The following AOPEP variants were observed in gnomAD, a reference collection of about 807,000 sequenced individuals.
AOPEP encodes aminopeptidase O (putative).
Under a neutral mutation model 98.1 loss-of-function variants are expected in AOPEP, and 77 were observed. The ratio of observed to expected loss-of-function variants is 0.78; its 90% CI spans 0.65 to 0.95. The LOEUF (loss-of-function observed/expected upper bound fraction) is 0.95. AOPEP is among the 40% of genes least tolerant of loss of function. The probability of loss-of-function intolerance (pLI) is 0.00; values close to 1 mark genes in which losing one functional copy is unlikely to be tolerated. For missense variants in AOPEP, 1,024 were observed against 1,024.7 expected, an observed-to-expected ratio of 1.00 and a Z score of 0.01; for synonymous variants, 346 against 365.3, an observed-to-expected ratio of 0.95 and a Z score of 0.60.
chr9:95,018,288 C>T lies in AOPEP; in HGVS notation c.2115+12672C>T, dbSNP rs538554163. Among the ~76,000 whole-genome samples the T allele has an allele frequency of 2.2e-3, 336 of 152,318 alleles. 1 individual carries two copies. The highest frequency in any genetic ancestry group is 4.0e-3 in the Non-Finnish European group (271 of 68,022). On this transcript the variant is annotated intron_variant, in intron 13 of 16. Transcript: ENST00000375315. ...GTTTTTAGTTTCTCTGCCTCCTTGT[C>T]AGCTCCTGGTATTGTCAGACTTCTT... is the stretch of plus-strand genomic sequence containing the variant.
At chr9:94,896,166 G>A (rs543141575) in intron 5 of AOPEP, among the ~76,000 whole-genome samples, 1 of 152,220 alleles carries the variant, frequency 6.6e-6, no homozygotes, top group Admixed American at 6.5e-5. Flanking sequence ...AATACAACTC[G>A]ATAAGATGGA....
At chr9:95,009,653 G>T (rs1178592922) in intron 13 of AOPEP, among the ~76,000 whole-genome samples, 1 of 152,182 alleles carries the variant, frequency 6.6e-6, no homozygotes, top group Non-Finnish European at 1.5e-5. Context: ...GAGATTGTCA[G>T]CTGTCTGTTA....
At chr9:95,056,315 A>C (rs1028283343) in intron 13 of AOPEP, 2 of 152,316 alleles carry the variant, frequency 1.3e-5, no homozygotes, top group African/African-American at 4.8e-5. Flanking sequence ...CCACGCCGGG[A>C]GGTGCCCTCC....
intron 5 of AOPEP, among the ~76,000 whole-genome samples, chr9:94,842,731 C>G (rs935967042): frequency 6.6e-6 from 1 of 152,070 alleles, no homozygotes; most frequent in African/African-American, 2.4e-5. Flanking sequence ...GATTTGTTGA[C>G]AAGAAATTAT....
chr9:94,920,897 C>T (rs1010158446), intron 5 of AOPEP, among the ~76,000 whole-genome samples: 6 of 152,274 alleles, frequency 3.9e-5, no homozygotes, highest in African/African-American at 1.2e-4. Flanking sequence ...AATGACAACA[C>T]GGGAGTGTGG....
At chr9:94,866,196 C>T (rs895486009) in intron 5 of AOPEP, among the ~76,000 whole-genome samples, 4 of 152,164 alleles carry the variant, frequency 2.6e-5, no homozygotes, top group South Asian at 2.1e-4. Flanking sequence ...GATGGACATG[C>T]GTGCCCTTTT....
At chr9:94,901,457 TATCTAGTA>T (rs1395312045) in intron 5 of AOPEP, among the ~76,000 whole-genome samples, 1 of 152,032 alleles carries the variant, frequency 6.6e-6, no homozygotes, top group African/African-American at 2.4e-5. Context: ...GATCGGTGTT[TATCTAGTA>T]TTTGTTAAAT....
At chr9:94,752,028 A>G (rs1180843512) in intron 1 of AOPEP, among the ~76,000 whole-genome samples, 1 of 151,392 alleles carries the variant, frequency 6.6e-6, no homozygotes, top group Non-Finnish European at 1.5e-5. Flanking sequence ...TAGTAACTGG[A>G]CTATAGGCGT....
At chr9:94,992,115 G>A (rs2060927457) in intron 11 of AOPEP, among the ~76,000 whole-genome samples, 1 of 152,222 alleles carries the variant, frequency 6.6e-6, no homozygotes, top group African/African-American at 2.4e-5. Flanking sequence ...AGCTGACCCA[G>A]AGCAGAAGAC....
intron 13 of AOPEP, among the ~76,000 whole-genome samples, chr9:95,028,721 AG>A (rs1185278203): frequency 5.3e-5 from 8 of 152,254 alleles, no homozygotes; most frequent in Admixed American, 2.0e-4. Flanking sequence ...GGGATTCTCC[AG>A]GCAGCCCATT....
At chr9:94,934,912 C>T (rs1310348810) in intron 7 of AOPEP, 1 of 152,294 alleles carries the variant, frequency 6.6e-6, no homozygotes, top group Non-Finnish European at 1.5e-5. Flanking sequence ...CATCTAAACC[C>T]CCATCTTAGG....
At chr9:95,138,110 G>A in the AOPEP span, among the ~76,000 whole-genome samples, 1 of 152,268 alleles carries the variant, frequency 6.6e-6, no homozygotes, top group East Asian at 1.9e-4. Flanking sequence ...CTCATTAACA[G>A]CCCTACAAAA....
chr9:95,009,316 C>T (rs932014021), intron 13 of AOPEP, among the ~76,000 whole-genome samples: 5 of 151,246 alleles, frequency 3.3e-5, no homozygotes, highest in African/African-American at 1.2e-4. Flanking sequence ...GATTTAGTAA[C>T]TCTTTTATCA....
At chr9:94,965,555 C>T (rs934562740) in intron 9 of AOPEP, among the ~76,000 whole-genome samples, 1 of 152,248 alleles carries the variant, frequency 6.6e-6, no homozygotes, top group African/African-American at 2.4e-5. Context: ...TTCTATCCCT[C>T]TGTAATTCTA....
chr9:95,126,715 C>T, the AOPEP span: 7 of 853,882 alleles, frequency 8.2e-6, no homozygotes, highest in Admixed American at 4.0e-5. Context: ...GTTAGAAGAA[C>T]GAACCACTGC....
intron 9 of AOPEP, among the ~76,000 whole-genome samples, chr9:94,960,911 C>G (rs2058782305): frequency 6.6e-6 from 1 of 151,322 alleles, no homozygotes; most frequent in Non-Finnish European, 1.5e-5. Flanking sequence ...ACTCGGGAGG[C>G]TGAGGCAGGA....
At chr9:95,106,663 T>C in the AOPEP span, among the ~76,000 whole-genome samples, 4 of 152,342 alleles carry the variant, frequency 2.6e-5, no homozygotes, top group South Asian at 4.1e-4. Context: ...CAGAATTCTT[T>C]GCACTGTTGC....
intron 5 of AOPEP, among the ~76,000 whole-genome samples, chr9:94,906,321 C>G (rs992631776): frequency 6.6e-6 from 1 of 151,520 alleles, no homozygotes; most frequent in Admixed American, 6.6e-5. Context: ...TAAAAATTAA[C>G]TGGGTGTGGT....
At chr9:95,003,461 TA>T (rs1240680757) in intron 11 of AOPEP, among the ~76,000 whole-genome samples, 1 of 152,218 alleles carries the variant, frequency 6.6e-6, no homozygotes, top group Non-Finnish European at 1.5e-5. Flanking sequence ...AAAAAAATTC[TA>T]GTGGGTAAAA....
Sources: allele counts gnomAD v4.1 joint callset (sites outside exome capture counted in the v4.1 genomes callset), GRCh38; gene constraint gnomAD v4.1.1; transcripts MANE v1.5; gene names NCBI Gene and HGNC (gene_info 2026-07-23, HGNC 2026-07-21).